The following GABRG3 variants were observed in gnomAD, a reference collection of about 807,000 sequenced individuals.
GABRG3 encodes gamma-aminobutyric acid receptor subunit gamma-3.
A neutral mutation model predicts 48.8 loss-of-function variants in GABRG3; 25 were observed. That is an observed-to-expected ratio of 0.51 (90% CI 0.37 to 0.72). The LOEUF (loss-of-function observed/expected upper bound fraction) is 0.72. GABRG3 is among the 30% of genes least tolerant of loss of function. The pLI is 0.00. For missense variants in GABRG3, 394 were observed against 577.9 expected (o/e 0.68, Z 3.26); for synonymous variants, 227 against 217.6 (o/e 1.04, Z -0.38).
At chr15:27,187,656 T>G (rs1447676125) in intron 3 of GABRG3, among the ~76,000 whole-genome samples, 1 of 152,220 alleles carries the variant, frequency 6.6e-6, no homozygotes, top group Non-Finnish European at 1.5e-5. Flanking sequence ...GATATTTTAT[T>G]CTTTTTGTAG....
intron 5 of GABRG3, among the ~76,000 whole-genome samples, chr15:27,361,320 C>T (rs889193709): frequency 6.6e-6 from 1 of 152,144 alleles, no homozygotes; most frequent in African/African-American, 2.4e-5. Context: ...TTGGGTGCTG[C>T]GGTCTCTTTT....
At chr15:27,402,431 T>C (rs1407586906) in intron 5 of GABRG3, among the ~76,000 whole-genome samples, 1 of 152,182 alleles carries the variant, frequency 6.6e-6, no homozygotes, top group Non-Finnish European at 1.5e-5. Context: ...GGTTGAGAGC[T>C]AAGGACATCA....
intron 3 of GABRG3, among the ~76,000 whole-genome samples, chr15:27,059,655 C>T (rs1896611925): frequency 6.6e-6 from 1 of 152,190 alleles, no homozygotes; most frequent in Non-Finnish European, 1.5e-5. Flanking sequence ...AGAGAGGAGA[C>T]ATGTGTTCCA....
intron 3 of GABRG3, among the ~76,000 whole-genome samples, chr15:27,270,089 A>G (rs1246003545): frequency 6.6e-6 from 1 of 152,226 alleles, no homozygotes; most frequent in East Asian, 1.9e-4. Context: ...AGGAATAGAT[A>G]ATGAGTGTTC....
At chr15:27,103,264 T>C (rs965262126) in intron 3 of GABRG3, among the ~76,000 whole-genome samples, 7 of 152,214 alleles carry the variant, frequency 4.6e-5, no homozygotes, top group African/African-American at 1.7e-4. Context: ...TCCTCAGGAA[T>C]GACTCTATTT....
chr15:27,113,474 G>A (rs1005590621), intron 3 of GABRG3, among the ~76,000 whole-genome samples: 6 of 152,172 alleles, frequency 3.9e-5, no homozygotes, highest in African/African-American at 1.4e-4. Context: ...AAACTGCAGT[G>A]GTGTAGTGAC....
At chr15:27,232,006 C>T (rs576854200) in intron 3 of GABRG3, among the ~76,000 whole-genome samples, 2 of 152,158 alleles carry the variant, frequency 1.3e-5, no homozygotes, top group Non-Finnish European at 2.9e-5. Context: ...ATAAAGCTGA[C>T]TGTACAATAA....
rs1295928939 is a variant in GABRG3, at chr15:27,480,650, A to G, written c.575A>G (p.Tyr192Cys). 8 of 1,608,458 alleles carry G rather than the reference A, an allele frequency of 5.0e-6. No homozygotes were observed. Among genetic ancestry groups the G allele is most frequent in the Non-Finnish European group, 6.8e-6 (8 of 1,177,018 alleles). ...GCTAATGTTTGCTCTGTGTTTTTAG[A>G]TGGCTATCCCAAAGAAGAAATGATT... ...EHSCPLIFSS[Y>C]GYPKEEMIYR... The change falls in exon 6 of 10, where the codon TAT becomes TGT. Residue 192 changes from tyrosine to cysteine, a missense_variant and splice_region_variant. By Grantham distance (194) the Tyr-to-Cys change is radical. Transcript: ENST00000615808.
intron 5 of GABRG3, chr15:27,350,422 G>T: frequency 3.1e-6 from 1 of 321,936 alleles, no homozygotes; most frequent in Non-Finnish European, 6.2e-6. Flanking sequence ...TTGTTTCTTT[G>T]TTTTTTCAAA....
chr15:27,481,555 G>A (rs1006095285), intron 6 of GABRG3, among the ~76,000 whole-genome samples: 1 of 151,962 alleles, frequency 6.6e-6, no homozygotes, highest in African/African-American at 2.4e-5. Flanking sequence ...TTATTTTATG[G>A]GTGACTAGAT....
intron 6 of GABRG3, among the ~76,000 whole-genome samples, chr15:27,493,252 G>T (rs1890398977): frequency 6.6e-6 from 1 of 151,866 alleles, no homozygotes; most frequent in African/African-American, 2.4e-5. Flanking sequence ...CCATACAATA[G>T]ACTCGATTTC....
intron 3 of GABRG3, among the ~76,000 whole-genome samples, chr15:27,126,719 G>T (rs1195515936): frequency 6.6e-6 from 1 of 152,238 alleles, no homozygotes; most frequent in Non-Finnish European, 1.5e-5. Flanking sequence ...TAATGCTGTT[G>T]TTTGAGGCCT....
intron 2 of GABRG3, among the ~76,000 whole-genome samples, chr15:27,009,863 T>TTCC (rs753729362): frequency 1.3e-4 from 19 of 151,708 alleles, no homozygotes; most frequent in African/African-American, 2.2e-4. Context: ...TCCTCTTCCT[T>TTCC]TCCTCCTCCT....
intron 3 of GABRG3, among the ~76,000 whole-genome samples, chr15:27,308,253 T>C (rs1322267810): frequency 8.4e-6 from 1 of 119,222 alleles, no homozygotes; most frequent in Non-Finnish European, 1.8e-5. Context: ...TATATAAACA[T>C]ACGTTTATAT....
rs1017808029 is a variant in GABRG3, at chr15:27,307,815, A to G, written c.271-18994A>G. ...ATATATAAAATAAACATAAACATATATAAAATAAACATAAACATATATAAA... is the reference window on the plus strand; with the variant it reads ...ATATATAAAATAAACATAAACATATGTAAAATAAACATAAACATATATAAA... On this transcript the variant is annotated intron_variant, in intron 3 of 9. Transcript: ENST00000615808. Among the ~76,000 whole-genome samples the G allele has an allele frequency of 1.9e-3, 205 of 109,166 alleles. 2 individuals are homozygous for G. The highest frequency in any genetic ancestry group is 6.9e-3 in the African/African-American group (192 of 28,028). 71.6% of individuals were successfully genotyped at this position (109,166 alleles called of 152,430 possible).
chr15:27,173,439 G>A (rs1388485965), intron 3 of GABRG3, among the ~76,000 whole-genome samples: 1 of 152,104 alleles, frequency 6.6e-6, no homozygotes, highest in East Asian at 1.9e-4. Context: ...TAGTTTTATT[G>A]AGAAAGAGAG....
intron 3 of GABRG3, among the ~76,000 whole-genome samples, chr15:27,313,285 T>TGTATATATATATATATATATATAC (rs1893086253): frequency 9.2e-6 from 1 of 108,722 alleles, no homozygotes; most frequent in South Asian, 3.4e-4. Flanking sequence ...TATATATATA[T>TGTATATATATATATATATATATAC]ATATATATAT....
At chr15:27,440,033 C>T (rs919395145) in intron 5 of GABRG3, among the ~76,000 whole-genome samples, 1 of 152,114 alleles carries the variant, frequency 6.6e-6, no homozygotes. Flanking sequence ...TGAAGTGTCT[C>T]CCTCTGCCCG....
intron 5 of GABRG3, among the ~76,000 whole-genome samples, chr15:27,430,232 C>G (rs1375520761): frequency 6.6e-6 from 1 of 152,158 alleles, no homozygotes; most frequent in East Asian, 1.9e-4. Flanking sequence ...ATCCTCTGCC[C>G]ATTTTTCAAT....
Sources: allele counts gnomAD v4.1 joint callset (sites outside exome capture counted in the v4.1 genomes callset), GRCh38; gene constraint gnomAD v4.1.1; transcripts MANE v1.5; gene names NCBI Gene and HGNC (gene_info 2026-07-23, HGNC 2026-07-21).